Variants in UBE2E2 observed in about 807,000 individuals in gnomAD.
The protein encoded by UBE2E2 is ubiquitin-conjugating enzyme E2 E2.
Under a neutral mutation model 24.7 loss-of-function variants are expected in UBE2E2, and 6 were observed. That is an observed-to-expected ratio of 0.24 (90% confidence interval 0.13 to 0.48). The LOEUF (loss-of-function observed/expected upper bound fraction) is 0.48, where lower values mean the gene tolerates loss of function less well. Among genes scored for constraint, UBE2E2 ranks in the 20% least tolerant of loss-of-function variants. The pLI, the probability that UBE2E2 is intolerant of heterozygous loss-of-function variation, is 0.99. For missense variants in UBE2E2, 169 were observed against 245.0 expected (o/e 0.69, Z 2.07); for synonymous variants, 104 against 83.6 (o/e 1.24, Z -1.33).
Position 23,393,437 on chromosome 3 carries a change from G to T in UBE2E2, c.228-106171G>T, listed in dbSNP as rs546554768. Among the ~76,000 whole-genome samples the T allele has an allele frequency of 1.2e-4, 18 of 152,314 alleles. 1 individual carries two copies. In the South Asian group the frequency reaches 3.7e-3, roughly 32 times the overall value. ...TGTGGTCGCTGGACCAGCAGCATCAGTATCACCTGGGTGCTTGTTAGACTT... is the reference window on the plus strand; with the variant it reads ...TGTGGTCGCTGGACCAGCAGCATCATTATCACCTGGGTGCTTGTTAGACTT... On this transcript the variant is annotated intron_variant, in intron 3 of 5. Coordinates refer to ENST00000396703, the MANE Select transcript of UBE2E2 (RefSeq NM_152653.4).
chr3:23,487,236 C>A (rs1380192553), intron 3 of UBE2E2, among the ~76,000 whole-genome samples: 1 of 152,220 alleles, frequency 6.6e-6, no homozygotes, highest in South Asian at 2.1e-4. Flanking sequence ...TGCACTGGAG[C>A]AGGTGCTGGG....
intron 3 of UBE2E2, among the ~76,000 whole-genome samples, chr3:23,289,989 A>G (rs758201514): frequency 1.5e-4 from 23 of 152,266 alleles, no homozygotes; most frequent in Non-Finnish European, 2.8e-4. Flanking sequence ...AAAATTGACT[A>G]AAGAGGACTC....
At chr3:23,488,376 G>A (rs769663632) in intron 3 of UBE2E2, among the ~76,000 whole-genome samples, 44 of 151,920 alleles carry the variant, frequency 2.9e-4, no homozygotes, top group Non-Finnish European at 4.1e-4. Flanking sequence ...CCGCCCCGCC[G>A]ACAGGCCCCG....
At chr3:23,418,670 CA>C in intron 3 of UBE2E2, among the ~76,000 whole-genome samples, 1 of 152,126 alleles carries the variant, frequency 6.6e-6, no homozygotes, top group Non-Finnish European at 1.5e-5. Flanking sequence ...GGCATTCCAT[CA>C]ATAATAGACT....
intron 3 of UBE2E2, among the ~76,000 whole-genome samples, chr3:23,238,011 G>T (rs1199757917): frequency 1.3e-5 from 2 of 152,014 alleles, no homozygotes; most frequent in Admixed American, 6.6e-5. Context: ...ATACATTCAG[G>T]ACTCACAGGT....
intron 3 of UBE2E2, among the ~76,000 whole-genome samples, chr3:23,432,046 A>G (rs1240555090): frequency 6.6e-6 from 1 of 152,218 alleles, no homozygotes; most frequent in African/African-American, 2.4e-5. Flanking sequence ...TGTAATGTAC[A>G]GCTTTCAGTA....
intron 3 of UBE2E2, among the ~76,000 whole-genome samples, chr3:23,283,181 C>A (rs1698526683): frequency 6.6e-6 from 1 of 152,042 alleles, no homozygotes; most frequent in African/African-American, 2.4e-5. Flanking sequence ...TAGGTGATGT[C>A]CCAAAGTGCC....
intron 3 of UBE2E2, among the ~76,000 whole-genome samples, chr3:23,427,917 A>G (rs962870963): frequency 2.0e-5 from 3 of 152,250 alleles, no homozygotes; most frequent in African/African-American, 7.2e-5. Flanking sequence ...CAAAATATGT[A>G]GGACAAAAAC....
intron 3 of UBE2E2, among the ~76,000 whole-genome samples, chr3:23,313,123 G>A (rs945988539): frequency 6.6e-6 from 1 of 151,998 alleles, no homozygotes; most frequent in African/African-American, 2.4e-5. Context: ...GGCCTACAGT[G>A]CGGATTAAGT....
intron 3 of UBE2E2, among the ~76,000 whole-genome samples, chr3:23,346,074 A>T (rs891011145): frequency 1.4e-4 from 22 of 152,076 alleles, no homozygotes; most frequent in African/African-American, 5.3e-4. Flanking sequence ...TTCCCTTCTT[A>T]TTTTTAAGCC....
chr3:23,297,472 G>C (rs1268343874), intron 3 of UBE2E2, among the ~76,000 whole-genome samples: 1 of 152,092 alleles, frequency 6.6e-6, no homozygotes, highest in African/African-American at 2.4e-5. Flanking sequence ...AATCCATCTT[G>C]AATTAATTTT....
chr3:23,445,964 T>C (rs1698420201), intron 3 of UBE2E2, among the ~76,000 whole-genome samples: 1 of 152,112 alleles, frequency 6.6e-6, no homozygotes, highest in Non-Finnish European at 1.5e-5. Context: ...AGCATTTTTA[T>C]CCGTCAATGA....
intron 3 of UBE2E2, among the ~76,000 whole-genome samples, chr3:23,356,465 G>C (rs916069161): frequency 6.6e-6 from 1 of 152,176 alleles, no homozygotes; most frequent in Non-Finnish European, 1.5e-5. Context: ...GCCTGTGGTG[G>C]TACATTCTGA....
intron 3 of UBE2E2, among the ~76,000 whole-genome samples, chr3:23,491,217 A>G (rs933510659): frequency 5.9e-5 from 9 of 152,186 alleles, no homozygotes; most frequent in Non-Finnish European, 1.0e-4. Context: ...TCTATGGAAT[A>G]CTAGTCTTCA....
intron 3 of UBE2E2, among the ~76,000 whole-genome samples, chr3:23,250,267 T>A (rs1697537249): frequency 6.6e-6 from 1 of 152,232 alleles, no homozygotes; most frequent in African/African-American, 2.4e-5. Context: ...TTAACCTATC[T>A]TCTACGCTGG....
At chr3:23,216,391 G>T (rs562217401) in intron 2 of UBE2E2, among the ~76,000 whole-genome samples, 2 of 152,106 alleles carry the variant, frequency 1.3e-5, no homozygotes, top group African/African-American at 2.4e-5. Flanking sequence ...ACTTTAATCA[G>T]TTATTATTGA....
intron 3 of UBE2E2, among the ~76,000 whole-genome samples, chr3:23,304,205 T>G (rs1699182830): frequency 6.6e-6 from 1 of 152,242 alleles, no homozygotes; most frequent in African/African-American, 2.4e-5. Context: ...GACGTAAGTG[T>G]GGTGAAATTA....
At chr3:23,357,875 A>G (rs547218686) in intron 3 of UBE2E2, among the ~76,000 whole-genome samples, 9 of 152,242 alleles carry the variant, frequency 5.9e-5, no homozygotes, top group African/African-American at 1.4e-4. Context: ...GTCTCACGCT[A>G]TCACCCAGGC....
At chr3:23,208,137 C>A (rs976469333) in intron 1 of UBE2E2, among the ~76,000 whole-genome samples, 1 of 152,016 alleles carries the variant, frequency 6.6e-6, no homozygotes, top group Non-Finnish European at 1.5e-5. Context: ...AGTCCCACTA[C>A]GTTGCCCAGG....
Sources: gnomAD v4.1 joint callset for allele counts (sites outside exome capture counted in the v4.1 genomes callset) on GRCh38, gnomAD v4.1.1 for gene constraint, MANE v1.5 for transcripts, NCBI Gene and HGNC (gene_info 2026-07-23, HGNC 2026-07-21) for gene names.